Variants in ZNF469 observed in about 807,000 individuals in gnomAD.
The protein encoded by ZNF469 is zinc finger protein 469.
ZNF469 carries 1 observed loss-of-function variant against 1.0 expected under a neutral mutation model. That is an observed-to-expected ratio of 1.00 (90% CI 0.35 to 4.73). The LOEUF (loss-of-function observed/expected upper bound fraction) is 4.73. Among genes scored for constraint, ZNF469 ranks in the 30% most tolerant of loss-of-function variants. ZNF469 has a pLI of 0.16. For missense variants in ZNF469, 6,100 were observed against 5,356.3 expected (o/e 1.14, Z -4.33); for synonymous variants, 2,703 against 2,363.4 (o/e 1.14, Z -4.17).
the ZNF469 span, among the ~76,000 whole-genome samples, chr16:88,343,372 A>G: frequency 6.6e-6 from 1 of 152,202 alleles, no homozygotes; most frequent in Non-Finnish European, 1.5e-5. Flanking sequence ...GAAAAGACAC[A>G]TCCCTCCCAA....
At chr16:88,255,353 TTTTCTACATGC>T in the ZNF469 span, among the ~76,000 whole-genome samples, 39 of 152,360 alleles carry the variant, frequency 2.6e-4, no homozygotes, top group African/African-American at 8.9e-4. Flanking sequence ...GTGCCAGGTA[TTTTCTACATGC>T]TTTCCCTGTG....
At chr16:88,182,654 C>A in the ZNF469 span, among the ~76,000 whole-genome samples, 1 of 151,724 alleles carries the variant, frequency 6.6e-6, no homozygotes, top group Admixed American at 6.6e-5. Flanking sequence ...ATACTCTTTC[C>A]AACAAATGGT....
At chr16:88,316,691 C>T in the ZNF469 span, among the ~76,000 whole-genome samples, 5 of 151,882 alleles carry the variant, frequency 3.3e-5, no homozygotes, top group South Asian at 8.3e-4. Flanking sequence ...GGATTACAGG[C>T]GCCCGCCACC....
intron 1 of ZNF469, among the ~76,000 whole-genome samples, chr16:88,403,647 C>A (rs1208214880): frequency 6.6e-6 from 1 of 152,228 alleles, no homozygotes; most frequent in African/African-American, 2.4e-5. Flanking sequence ...TGCCCTCGGC[C>A]CCCACAGTTT....
At chr16:88,337,121 G>A in the ZNF469 span, among the ~76,000 whole-genome samples, 1 of 152,222 alleles carries the variant, frequency 6.6e-6, no homozygotes, top group East Asian at 1.9e-4. Flanking sequence ...GGGCTATGGT[G>A]AGTAGTGCCG....
At chr16:88,413,874 G>A (rs1905239936) in intron 1 of ZNF469, among the ~76,000 whole-genome samples, 1 of 152,206 alleles carries the variant, frequency 6.6e-6, no homozygotes, top group African/African-American at 2.4e-5. Flanking sequence ...GAGTGTGGTG[G>A]CAGGTGCCAT....
chr16:88,226,349 C>T, the ZNF469 span, among the ~76,000 whole-genome samples: 9 of 151,928 alleles, frequency 5.9e-5, no homozygotes, highest in South Asian at 2.1e-4. Flanking sequence ...AGAAGAGAGG[C>T]GTAGGGGAGA....
rs2142304545 is a variant in ZNF469, at chr16:88,431,128, G to A, written c.3658G>A (p.Asp1220Asn). 1 of 1,550,160 alleles carries A rather than the reference G, an allele frequency of 6.5e-7. No homozygotes were observed. The highest frequency in any genetic ancestry group is 1.7e-4 in the Middle Eastern group (1 of 5,990). The part of the protein sequence containing the change: ...ETSEETRPSL[D>N]FPQEAKEPET... Reference sequence around the variant, plus strand: ...CTCAGAGGAAACCCGCCCGTCGCTGGACTTTCCCCAGGAGGCCAAGGAGCC... The same window carrying A: ...CTCAGAGGAAACCCGCCCGTCGCTGAACTTTCCCCAGGAGGCCAAGGAGCC... Residue 1220 changes from aspartate (D) to asparagine (N), a missense_variant, in exon 3 of 3, where the codon GAC becomes AAC. By Grantham distance (23) the Asp-to-Asn change is conservative. Transcript: ENST00000565624.
the ZNF469 span, among the ~76,000 whole-genome samples, chr16:88,243,497 G>T: frequency 6.6e-6 from 1 of 152,186 alleles, no homozygotes; most frequent in Non-Finnish European, 1.5e-5. Flanking sequence ...GTCATCTGCT[G>T]ATGGACCTCC....
chr16:88,276,159 G>A, the ZNF469 span, among the ~76,000 whole-genome samples: 1 of 152,176 alleles, frequency 6.6e-6, no homozygotes, highest in African/African-American at 2.4e-5. Flanking sequence ...TGGGGGATGG[G>A]GTGAGAAAAC....
chr16:88,260,843 C>T, the ZNF469 span, among the ~76,000 whole-genome samples: 1 of 152,024 alleles, frequency 6.6e-6, no homozygotes, highest in Non-Finnish European at 1.5e-5. This position sits in a 1 kb window ranked among gnomAD's most constrained non-coding sequence, Gnocchi z 4.1. Flanking sequence ...GGTGGGGCGG[C>T]GTCTGATGGC....
the ZNF469 span, among the ~76,000 whole-genome samples, chr16:88,121,426 G>A: frequency 6.6e-6 from 1 of 152,178 alleles, no homozygotes; most frequent in Admixed American, 6.5e-5. Context: ...TTTCAGTATC[G>A]ATTCTGGCCA....
chr16:88,242,093 G>A, the ZNF469 span, among the ~76,000 whole-genome samples: 14 of 152,280 alleles, frequency 9.2e-5, no homozygotes, highest in Non-Finnish European at 1.5e-4. Flanking sequence ...CCTGGACGTC[G>A]CAGACAGCAC....
At chr16:88,307,172 G>T in the ZNF469 span, among the ~76,000 whole-genome samples, 1 of 152,254 alleles carries the variant, frequency 6.6e-6, no homozygotes, top group East Asian at 1.9e-4. Context: ...TGGGGTGTGT[G>T]TCAGCACTTC....
At chr16:88,134,794 C>G in the ZNF469 span, among the ~76,000 whole-genome samples, 3 of 152,178 alleles carry the variant, frequency 2.0e-5, no homozygotes, top group Non-Finnish European at 4.4e-5. Flanking sequence ...CAGCTGTTTG[C>G]ATTTTTTCTT....
chr16:88,187,496 G>C, the ZNF469 span, among the ~76,000 whole-genome samples: 1 of 152,246 alleles, frequency 6.6e-6, no homozygotes, highest in South Asian at 2.1e-4. Flanking sequence ...GCCAATTACA[G>C]TAGGACAGGG....
chr16:88,206,072 G>T, the ZNF469 span, among the ~76,000 whole-genome samples: 2 of 152,156 alleles, frequency 1.3e-5, no homozygotes, highest in African/African-American at 4.8e-5. Context: ...TGGTGAGGGA[G>T]GGGGGAGCTG....
intron 1 of ZNF469, among the ~76,000 whole-genome samples, chr16:88,386,476 C>A (rs1453622979): frequency 6.6e-6 from 1 of 152,172 alleles, no homozygotes; most frequent in Non-Finnish European, 1.5e-5. Context: ...TGCCCTCACG[C>A]ATCCTGCATC....
chr16:88,111,524 C>T, the ZNF469 span, among the ~76,000 whole-genome samples: 1 of 148,140 alleles, frequency 6.8e-6, no homozygotes, highest in South Asian at 2.1e-4. Flanking sequence ...CATTAACATC[C>T]CCCCCACTTC....
Sources: allele counts gnomAD v4.1 joint callset (sites outside exome capture counted in the v4.1 genomes callset), GRCh38; gene constraint gnomAD v4.1.1; non-coding constraint Gnocchi (gnomAD v3.1); transcripts MANE v1.5; gene names NCBI Gene and HGNC (gene_info 2026-07-23, HGNC 2026-07-21).